Variants in AGAP1 observed in about 807,000 individuals in gnomAD.
AGAP1 encodes arf-GAP with GTPase, ANK repeat and PH domain-containing protein 1.
Under a neutral mutation model 105.3 loss-of-function variants are expected in AGAP1, and 29 were observed. That is an observed-to-expected ratio of 0.28 (90% CI 0.21 to 0.38). AGAP1 has a LOEUF of 0.38. Among genes scored for constraint, AGAP1 ranks in the 10% least tolerant of loss-of-function variants. The pLI is 1.00. For missense variants in AGAP1, 998 were observed against 1,165.1 expected, an observed-to-expected ratio of 0.86 and a Z score of 2.09; for synonymous variants, 509 against 485.9, an observed-to-expected ratio of 1.05 and a Z score of -0.63.
chr2:235,561,801 C>G (rs981858224), intron 1 of AGAP1, among the ~76,000 whole-genome samples: 6 of 152,156 alleles, frequency 3.9e-5, no homozygotes, highest in African/African-American at 1.4e-4. Context: ...GTTGACAGAT[C>G]GGAGCCTAAG....
rs1440752179 is a variant in AGAP1, at chr2:235,957,898, A to G, written c.1484-10564A>G. Among the ~76,000 whole-genome samples, 1 of 152,150 alleles carries G rather than the reference A, an allele frequency of 6.6e-6. No individual in the cohort carries two copies. Among genetic ancestry groups the G allele is most frequent in the Non-Finnish European group, 1.5e-5 (1 of 68,034 alleles). On this transcript the variant is annotated intron_variant, in intron 12 of 17. Coordinates refer to ENST00000304032, the MANE Select transcript of AGAP1 (RefSeq NM_001037131.3). This position sits in a 1 kb window ranked among gnomAD's most constrained non-coding sequence, Gnocchi z 4.6. ...GCACCTACAAATGGGCCTGTCTTTG[A>G]TAATTTTAAATTATTTTAATACCAA... is the stretch of plus-strand genomic sequence containing the variant.
chr2:235,706,163 CCAGA>C (rs1950522534), intron 1 of AGAP1, among the ~76,000 whole-genome samples: 1 of 152,176 alleles, frequency 6.6e-6, no homozygotes, highest in South Asian at 2.1e-4. Flanking sequence ...GGAAATTTTA[CCAGA>C]AATAGTCTCA....
Position 235,665,060 on chromosome 2 carries a change from A to G in AGAP1, c.164-44119A>G, listed in dbSNP as rs981347244. On this transcript the variant is annotated intron_variant, in intron 1 of 17. Transcript: ENST00000304032. The surrounding 1 kb of genome is among the most constrained non-coding windows in gnomAD (Gnocchi z 5.3). ...ACATGGCAAGACCCTCCTCTCTACA[A>G]AAAAATTTAAAAATTAGCCAGGGGT... Among the ~76,000 whole-genome samples the G allele has an allele frequency of 2.6e-5, 4 of 152,146 alleles. No homozygotes were observed. The highest frequency in any genetic ancestry group is 7.2e-5 in the African/African-American group (3 of 41,414).
rs1295549146 is a variant in AGAP1, at chr2:235,788,184, C to T, written c.674-9575C>T. ...TACTTAGCTCAAGTGCACAGAGAAG[C>T]AGAGTGCCATACTGGGACCCTACGG... is the stretch of plus-strand genomic sequence containing the variant. On this transcript the variant is annotated intron_variant, in intron 6 of 17. Coordinates refer to ENST00000304032, the MANE Select transcript of AGAP1 (RefSeq NM_001037131.3). The surrounding 1 kb of genome is among the most constrained non-coding windows in gnomAD (Gnocchi z 6.0). Among the ~76,000 whole-genome samples, 1 of 152,144 alleles carries T rather than the reference C, an allele frequency of 6.6e-6. No individual in the cohort carries two copies. Among genetic ancestry groups the T allele is most frequent in the Non-Finnish European group, 1.5e-5 (1 of 68,040 alleles).
At chr2:235,682,613 G>T (rs1575116151) in intron 1 of AGAP1, among the ~76,000 whole-genome samples, 1 of 152,130 alleles carries the variant, frequency 6.6e-6, no homozygotes, top group East Asian at 1.9e-4. Context: ...CCAAAGTGCT[G>T]GGATTATAGG....
chr2:235,544,968 G>A (rs1323472316), intron 1 of AGAP1, among the ~76,000 whole-genome samples: 1 of 152,122 alleles, frequency 6.6e-6, no homozygotes, highest in Non-Finnish European at 1.5e-5. Flanking sequence ...GTATTCTAAC[G>A]GGGTAAGGCG....
rs73996607 is a variant in AGAP1 at position 235,875,643 on chromosome 2, G to A, written c.1051-7702G>A. Among the ~76,000 whole-genome samples, 1,178 of 152,190 alleles carry A rather than the reference G, an allele frequency of 7.7e-3. 9 individuals are homozygous for A. Among genetic ancestry groups the A allele is most frequent in the African/African-American group, 0.027 (1,138 of 41,526 alleles). Reference sequence around the variant, plus strand: ...TAGAGCTTCTCTCCCCAGCTTTCCCGGGAGTGTGTGGTCTCCTGTTTCCCA... The same window carrying A: ...TAGAGCTTCTCTCCCCAGCTTTCCCAGGAGTGTGTGGTCTCCTGTTTCCCA... On this transcript the variant is annotated intron_variant, in intron 9 of 17. Coordinates refer to ENST00000304032, the MANE Select transcript of AGAP1 (RefSeq NM_001037131.3). This position sits in a 1 kb window ranked among gnomAD's most constrained non-coding sequence, Gnocchi z 4.0.
rs1395604273 is a variant in AGAP1, at chr2:235,751,149, T to C, written c.673+661T>C. ...GATGATCATAGCGCCAGACGTCGTC[T>C]ATGAGAGAGGAGCCTGTGCAGATGC... On this transcript the variant is annotated intron_variant, in intron 6 of 17. Transcript: ENST00000304032. The surrounding 1 kb of genome is among the most constrained non-coding windows in gnomAD (Gnocchi z 5.3). 6.6e-6 allele frequency among the ~76,000 whole-genome samples: 1 copy of C among 152,072 alleles called. No homozygotes were observed. The highest frequency in any genetic ancestry group is 2.4e-5 in the African/African-American group (1 of 41,390).
intron 1 of AGAP1, among the ~76,000 whole-genome samples, chr2:235,688,794 A>G (rs148523806): frequency 5.9e-5 from 9 of 152,080 alleles, no homozygotes; most frequent in Non-Finnish European, 1.3e-4. Context: ...GGAGCAGGGG[A>G]GTCAGTGGCA....
At chr2:235,506,138 C>T (rs1941797556) in intron 1 of AGAP1, among the ~76,000 whole-genome samples, 1 of 152,042 alleles carries the variant, frequency 6.6e-6, no homozygotes, top group Admixed American at 6.6e-5. Flanking sequence ...ACCACGTTGG[C>T]CAGGCCGGTC....
chr2:235,931,081 T>C lies in AGAP1; in HGVS notation c.1483+158T>C, dbSNP rs977207713. On this transcript the variant is annotated intron_variant, in intron 12 of 17. Transcript: ENST00000304032. This position sits in a 1 kb window ranked among gnomAD's most constrained non-coding sequence, Gnocchi z 5.6. ...AGACTCACATCTTGCCTTTCATCTG[T>C]GGAACGTTTTGTCCTTGCTAGGCTG... 1.3e-5 allele frequency among the ~76,000 whole-genome samples: 2 copies of C among 152,206 alleles called. No individual in the cohort carries two copies. Among genetic ancestry groups the C allele is most frequent in the Admixed American group, 1.3e-4 (2 of 15,280 alleles).
At chr2:235,760,471 T>C (rs1445968958) in intron 6 of AGAP1, among the ~76,000 whole-genome samples, 2 of 152,242 alleles carry the variant, frequency 1.3e-5, no homozygotes, top group Admixed American at 1.3e-4. Flanking sequence ...AATTTGAGAA[T>C]GTGCTTGAGG....
intron 1 of AGAP1, among the ~76,000 whole-genome samples, chr2:235,674,802 C>T (rs1948637120): frequency 6.6e-6 from 1 of 151,532 alleles, no homozygotes; most frequent in Admixed American, 6.6e-5. Flanking sequence ...AATTCTCCTC[C>T]CTCAGCCTCC....
chr2:236,070,818 G>A (rs1456777718), intron 16 of AGAP1, among the ~76,000 whole-genome samples: 1 of 152,176 alleles, frequency 6.6e-6, no homozygotes, highest in African/African-American at 2.4e-5. Context: ...TTGCTCATGG[G>A]AGTGGGACTT....
At chr2:235,656,119 G>C (rs1238336840) in intron 1 of AGAP1, among the ~76,000 whole-genome samples, 5 of 152,170 alleles carry the variant, frequency 3.3e-5, no homozygotes, top group African/African-American at 1.2e-4. Context: ...TTGGCCTCAG[G>C]GGGCCGCTCC....
chr2:235,927,730 G>A lies in AGAP1; in HGVS notation c.1325-3035G>A, dbSNP rs896899930. Among the ~76,000 whole-genome samples the A allele has an allele frequency of 6.6e-6, 1 of 152,174 alleles. No homozygotes were observed. The highest frequency in any genetic ancestry group is 2.4e-5 in the African/African-American group (1 of 41,444). On this transcript the variant is annotated intron_variant, in intron 11 of 17. Coordinates refer to ENST00000304032, the MANE Select transcript of AGAP1 (RefSeq NM_001037131.3). This position sits in a 1 kb window ranked among gnomAD's most constrained non-coding sequence, Gnocchi z 4.4. ...TGTCCTCTGCCTTTTAAAGGAAATT[G>A]TTCTGGAAGGTTTCTAGGCCTGGTT... is the stretch of plus-strand genomic sequence containing the variant.
At chr2:235,921,088 T>C (rs2052160802) in intron 11 of AGAP1, among the ~76,000 whole-genome samples, 1 of 152,250 alleles carries the variant, frequency 6.6e-6, no homozygotes, top group Non-Finnish European at 1.5e-5. Flanking sequence ...TTATGCTGTT[T>C]GTTCCAGTAA....
intron 11 of AGAP1, among the ~76,000 whole-genome samples, chr2:235,921,548 G>A (rs1450390588): frequency 5.9e-5 from 9 of 152,250 alleles, no homozygotes; most frequent in African/African-American, 1.4e-4. Flanking sequence ...CTGTTTCTAC[G>A]TTGTAGGAAA....
chr2:235,547,677 G>A (rs1943671535), intron 1 of AGAP1, among the ~76,000 whole-genome samples: 3 of 152,176 alleles, frequency 2.0e-5, no homozygotes, highest in Non-Finnish European at 4.4e-5. Context: ...TATTTTAGTA[G>A]AGACGGGGTT....
Sources: allele counts gnomAD v4.1 joint callset (sites outside exome capture counted in the v4.1 genomes callset), GRCh38; gene constraint gnomAD v4.1.1; non-coding constraint Gnocchi (gnomAD v3.1); transcripts MANE v1.5; gene names NCBI Gene and HGNC (gene_info 2026-07-23, HGNC 2026-07-21).